GPD1L: variants seen among roughly 807,000 people sequenced by gnomAD.
GPD1L encodes glycerol-3-phosphate dehydrogenase 1-like protein.
A neutral mutation model predicts 32.9 loss-of-function variants in GPD1L; 17 were observed. The ratio of observed to expected loss-of-function variants is 0.52; its 90% confidence interval spans 0.35 to 0.78. The LOEUF is 0.78. Ranked by LOEUF, GPD1L falls within the 30% of genes least tolerant of loss-of-function variation. The probability of loss-of-function intolerance (pLI) is 0.01; values close to 1 mark genes in which losing one functional copy is unlikely to be tolerated. For missense variants in GPD1L, 361 were observed against 447.8 expected (o/e 0.81, Z 1.75); for synonymous variants, 187 against 165.9 (o/e 1.13, Z -0.98).
Position 32,146,673 on chromosome 3 carries a change from C to T in GPD1L, c.557C>T (p.Pro186Leu), listed in dbSNP as rs778648279. ...GLLFKELLQT[P>L]NFRITVVDDA... is the part of the protein sequence containing the mutation. ...CTCTTCAAAGAACTTCTGCAGACTC[C>T]AAATTTTCGAATTACCGTGGTTGAT... The change falls in exon 5 of 8, where the codon CCA becomes CTA. Residue 186 changes from proline to leucine, a missense_variant. By Grantham distance (98) the Pro-to-Leu change is moderately conservative. Coordinates refer to ENST00000282541, the MANE Select transcript of GPD1L (RefSeq NM_015141.4). 1 of 1,613,844 alleles carries T rather than the reference C, an allele frequency of 6.2e-7. No individual in the cohort carries two copies. The highest frequency in any genetic ancestry group is 1.1e-5 in the South Asian group (1 of 91,064).
At position 32,130,907 on chromosome 3, in the gene GPD1L, C is replaced by T. The variant is rs78210259; in HGVS notation, c.225+2654C>T. Reference sequence around the variant, plus strand: ...GCACACCTGTAATCCCGGCTATACTCGGGAGGCTGAGGCAGGAGAATTGCC... The same window carrying T: ...GCACACCTGTAATCCCGGCTATACTTGGGAGGCTGAGGCAGGAGAATTGCC... On this transcript the variant is annotated intron_variant, in intron 2 of 7. Transcript: ENST00000282541. 0.024 allele frequency among the ~76,000 whole-genome samples: 3,703 copies of T among 151,998 alleles called. 298 individuals carry two copies. In the East Asian group the frequency reaches 0.26, roughly 11 times the overall value.
chr3:32,115,527 G>A (rs1051173685), intron 1 of GPD1L, among the ~76,000 whole-genome samples: 32 of 152,186 alleles, frequency 2.1e-4, no homozygotes, highest in African/African-American at 7.0e-4. Context: ...TTCTCTACCC[G>A]GTTTTTCCAG....
intron 2 of GPD1L, among the ~76,000 whole-genome samples, chr3:32,138,046 A>G (rs944563920): frequency 6.6e-6 from 1 of 152,230 alleles, no homozygotes; most frequent in Admixed American, 6.5e-5. Flanking sequence ...CAGCAGGGAC[A>G]GCTGTGGAAT....
At chr3:32,124,905 A>G (rs1245071357) in intron 1 of GPD1L, among the ~76,000 whole-genome samples, 1 of 152,176 alleles carries the variant, frequency 6.6e-6, no homozygotes, top group East Asian at 1.9e-4. Flanking sequence ...CCTGGAGGAC[A>G]GAGCAAGACA....
chr3:32,129,466 C>T (rs886355247), intron 2 of GPD1L, among the ~76,000 whole-genome samples: 1 of 152,146 alleles, frequency 6.6e-6, no homozygotes, highest in African/African-American at 2.4e-5. Context: ...TCTCAATAAC[C>T]CTCTTAGGCT....
At chr3:32,137,728 C>T (rs1172981403) in intron 2 of GPD1L, among the ~76,000 whole-genome samples, 1 of 152,194 alleles carries the variant, frequency 6.6e-6, no homozygotes, top group Non-Finnish European at 1.5e-5. Context: ...TTCACTTCTG[C>T]CGTGTTAAAC....
At chr3:32,144,772 G>GC (rs1700795642) in intron 4 of GPD1L, among the ~76,000 whole-genome samples, 1 of 150,662 alleles carries the variant, frequency 6.6e-6, no homozygotes, top group Non-Finnish European at 1.5e-5. Context: ...AGCAACCTCC[G>GC]CCCCCTGGGC....
intron 5 of GPD1L, 25 bp from the exon 6 acceptor site, chr3:32,158,851 C>G (rs1701033735): frequency 1.9e-6 from 3 of 1,611,088 alleles, no homozygotes; most frequent in Middle Eastern, 1.6e-4. Flanking sequence ...GTAACGGCAT[C>G]TGGGCTTTGT....
At chr3:32,130,187 C>T (rs1303773698) in intron 2 of GPD1L, among the ~76,000 whole-genome samples, 1 of 151,974 alleles carries the variant, frequency 6.6e-6, no homozygotes, top group African/African-American at 2.4e-5. Flanking sequence ...AGAGAGCCTG[C>T]CCCCCACTTG....
In GPD1L at chr3:32,120,896, A is replaced by G. The variant is rs369186752; in HGVS notation, c.48-7180A>G. Among the ~76,000 whole-genome samples, 7 of 152,122 alleles carry G rather than the reference A, an allele frequency of 4.6e-5. No individual in the cohort carries two copies. The East Asian group carries it at 7.7e-4, about 17-fold the overall frequency. On this transcript the variant is annotated intron_variant, in intron 1 of 7. Coordinates refer to ENST00000282541, the MANE Select transcript of GPD1L (RefSeq NM_015141.4). ...ACCTTTTTAGAGAGAAAGGGGTGAGAAGGCTGTGGACAGAGTGAATGGCAA... is the reference window on the plus strand; with the variant it reads ...ACCTTTTTAGAGAGAAAGGGGTGAGGAGGCTGTGGACAGAGTGAATGGCAA...
At chr3:32,122,348 C>T (rs2125475017) in intron 1 of GPD1L, among the ~76,000 whole-genome samples, 1 of 152,276 alleles carries the variant, frequency 6.6e-6, no homozygotes, top group Middle Eastern at 3.4e-3. Flanking sequence ...TTAGGCAATT[C>T]ATTTATGCTC....
intron 4 of GPD1L, 138 bp from the exon 5 acceptor site, chr3:32,146,484 C>A (rs965642135): frequency 4.5e-6 from 3 of 667,032 alleles, no homozygotes; most frequent in Non-Finnish European, 8.2e-6. Flanking sequence ...TTTATTTCTG[C>A]TCCTATGTGT....
intron 1 of GPD1L, among the ~76,000 whole-genome samples, chr3:32,126,201 T>TTAAA (rs976297900): frequency 3.9e-5 from 6 of 152,034 alleles, no homozygotes; most frequent in East Asian, 1.9e-4. Context: ...TATCAATAAA[T>TTAAA]TAAATAAATA....
intron 2 of GPD1L, among the ~76,000 whole-genome samples, chr3:32,130,750 T>C (rs202065812): frequency 2.1e-5 from 3 of 145,218 alleles, no homozygotes; most frequent in South Asian, 2.2e-4. Flanking sequence ...CAGTGGCTCA[T>C]GCCTGTAATC....
At chr3:32,116,558 G>C (rs900289333) in intron 1 of GPD1L, among the ~76,000 whole-genome samples, 1 of 151,920 alleles carries the variant, frequency 6.6e-6, no homozygotes, top group Non-Finnish European at 1.5e-5. Flanking sequence ...GAAGAGAGTA[G>C]CTTTGCCAGG....
In GPD1L at chr3:32,159,644, G is replaced by T. The variant is rs771520513; in HGVS notation, c.929G>T (p.Arg310Leu). Residue 310 changes from arginine (R) to leucine (L), a missense_variant, in exon 7 of 8, where the codon CGC (arginine) becomes CTC (leucine). By Grantham distance (102) the Arg-to-Leu change is moderately radical. Coordinates refer to ENST00000282541, the MANE Select transcript of GPD1L (RefSeq NM_015141.4). ...CCGCAGACTTCTGCTGAAGTGTACC[G>T]CATCCTCAAACAGAAGGGACTACTG... Reference protein sequence around the residue: ...QGPQTSAEVYRILKQKGLLDK... With the variant: ...QGPQTSAEVYLILKQKGLLDK... 1.9e-6 allele frequency: 3 copies of T among 1,610,812 alleles called. No homozygotes were observed. Among genetic ancestry groups the T allele is most frequent in the African/African-American group, 2.7e-5 (2 of 74,802 alleles).
chr3:32,144,853 AC>A (rs748024935), intron 4 of GPD1L, among the ~76,000 whole-genome samples: 2 of 146,674 alleles, frequency 1.4e-5, no homozygotes, highest in African/African-American at 5.0e-5. Flanking sequence ...ACACACACAC[AC>A]CACCACGCCA....
chr3:32,161,588 G>GGAT (rs1701074169), intron 7 of GPD1L, among the ~76,000 whole-genome samples: 1 of 152,160 alleles, frequency 6.6e-6, no homozygotes, highest in African/African-American at 2.4e-5. Flanking sequence ...GTGCTACCAT[G>GGAT]GGGTGCCTTG....
At chr3:32,151,920 G>A (rs1700925405) in intron 5 of GPD1L, 1 of 152,760 alleles carries the variant, frequency 6.5e-6, no homozygotes, top group Admixed American at 6.5e-5. Context: ...ACTGGAAGAT[G>A]GCGATTCTGG....
Sources: allele counts gnomAD v4.1 joint callset (sites outside exome capture counted in the v4.1 genomes callset), GRCh38; gene constraint gnomAD v4.1.1; transcripts MANE v1.5; gene names NCBI Gene and HGNC (gene_info 2026-07-23, HGNC 2026-07-21).